The following CDH13 variants were observed in gnomAD, a reference collection of about 807,000 sequenced individuals.
The protein encoded by CDH13 is cadherin-13.
Under a neutral mutation model 63.8 loss-of-function variants are expected in CDH13, and 24 were observed. That is an observed-to-expected ratio of 0.38 (90% CI 0.27 to 0.53). The LOEUF (loss-of-function observed/expected upper bound fraction) is 0.53, where lower values mean the gene tolerates loss of function less well. CDH13 is among the 20% of genes least tolerant of loss of function. The pLI, the probability that CDH13 is intolerant of heterozygous loss-of-function variation, is 0.85. For missense variants in CDH13, 1,049 were observed against 903.1 expected, an observed-to-expected ratio of 1.16 and a Z score of -2.07; for synonymous variants, 503 against 355.3, an observed-to-expected ratio of 1.42 and a Z score of -4.67.
rs142544353 is a variant in CDH13 at position 83,399,503 on chromosome 16, C to T, written c.781+54497C>T. On this transcript the variant is annotated intron_variant, in intron 6 of 13. Coordinates refer to ENST00000567109, the MANE Select transcript of CDH13 (RefSeq NM_001257.5). ...AAATGTGACCACTATGTCTCTCTCC[C>T]ATCCCACATGGTCTTCTTCAGTGTG... Among the ~76,000 whole-genome samples the T allele has an allele frequency of 1.7e-3, 253 of 152,282 alleles. 1 individual carries two copies. The highest frequency in any genetic ancestry group is 3.2e-3 in the Non-Finnish European group (215 of 68,012).
intron 4 of CDH13, among the ~76,000 whole-genome samples, chr16:83,173,338 T>C (rs2037999990): frequency 6.6e-6 from 1 of 152,126 alleles, no homozygotes; most frequent in African/African-American, 2.4e-5. Flanking sequence ...TAAAGAGAAT[T>C]GGAATATTTG....
chr16:83,456,310 G>C (rs1781641254), intron 6 of CDH13, among the ~76,000 whole-genome samples: 1 of 152,230 alleles, frequency 6.6e-6, no homozygotes, highest in Non-Finnish European at 1.5e-5. Context: ...ACGACCTAGA[G>C]ACAGGAAAGG....
At chr16:83,285,872 C>A (rs1459884291) in intron 5 of CDH13, among the ~76,000 whole-genome samples, 1 of 152,156 alleles carries the variant, frequency 6.6e-6, no homozygotes. Context: ...ATAAACTCTA[C>A]TCATTGTGGC....
At chr16:83,043,451 A>C (rs1326557059) in intron 3 of CDH13, among the ~76,000 whole-genome samples, 1 of 152,026 alleles carries the variant, frequency 6.6e-6, no homozygotes, top group African/African-American at 2.4e-5. Flanking sequence ...GAAACCAGTG[A>C]AATTAACTTT....
At chr16:83,778,665 T>C (rs247397) in intron 11 of CDH13, among the ~76,000 whole-genome samples, 123,108 of 152,164 alleles carry the variant, frequency 0.81, 49,860 homozygotes, top group Admixed American at 0.84. Flanking sequence ...AAAAATAAGG[T>C]CCAAAGATTA....
At chr16:83,184,593 A>G (rs927671160) in intron 4 of CDH13, among the ~76,000 whole-genome samples, 6 of 152,140 alleles carry the variant, frequency 3.9e-5, no homozygotes, top group Non-Finnish European at 7.3e-5. Flanking sequence ...CTCCTCTACT[A>G]AAAATACAAA....
chr16:82,743,677 A>G (rs949922239), intron 1 of CDH13, among the ~76,000 whole-genome samples: 8 of 152,246 alleles, frequency 5.3e-5, no homozygotes, highest in African/African-American at 1.9e-4. Flanking sequence ...TTCCTTGGTC[A>G]GCATAAAGCG....
chr16:83,051,711 C>G (rs768831276), intron 3 of CDH13, among the ~76,000 whole-genome samples: 1 of 152,208 alleles, frequency 6.6e-6, no homozygotes, highest in Non-Finnish European at 1.5e-5. Flanking sequence ...TGGACCACAG[C>G]AGCCAGATCT....
chr16:83,018,066 T>A (rs111362592), intron 2 of CDH13, among the ~76,000 whole-genome samples: 56 of 152,322 alleles, frequency 3.7e-4, no homozygotes, highest in African/African-American at 1.3e-3. Flanking sequence ...AAAAGAAATA[T>A]GATGGGCCAG....
chr16:83,403,035 A>G (rs879800696), intron 6 of CDH13, among the ~76,000 whole-genome samples: 5 of 152,166 alleles, frequency 3.3e-5, no homozygotes, highest in Non-Finnish European at 5.9e-5. Context: ...TGTGATATTT[A>G]ACACCCTCAG....
intron 1 of CDH13, among the ~76,000 whole-genome samples, chr16:82,770,040 C>G (rs931489716): frequency 1.3e-5 from 2 of 152,224 alleles, no homozygotes; most frequent in Admixed American, 1.3e-4. Context: ...CTGTCCCCAG[C>G]TAATTTTGCC....
At chr16:83,129,111 C>T (rs550515756) in intron 4 of CDH13, among the ~76,000 whole-genome samples, 3 of 152,068 alleles carry the variant, frequency 2.0e-5, no homozygotes, top group African/African-American at 7.2e-5. Context: ...CCACAGCTGA[C>T]GAGCTGTGCT....
At chr16:83,593,018 G>A (rs1345133288) in intron 7 of CDH13, among the ~76,000 whole-genome samples, 1 of 152,156 alleles carries the variant, frequency 6.6e-6, no homozygotes, top group East Asian at 1.9e-4. Flanking sequence ...GTGTTATGTG[G>A]CCAGAGTGGT....
intron 1 of CDH13, among the ~76,000 whole-genome samples, chr16:82,629,121 G>A (rs1296140578): frequency 1.3e-5 from 2 of 152,308 alleles, no homozygotes; most frequent in East Asian, 1.9e-4. Context: ...AAGCAAGACA[G>A]ACCACGTGAC....
At chr16:83,347,954 G>T (rs2090873459) in intron 6 of CDH13, among the ~76,000 whole-genome samples, 2 of 152,214 alleles carry the variant, frequency 1.3e-5, no homozygotes, top group Admixed American at 1.3e-4. Context: ...TACTTTGGGA[G>T]GCTGAGGTGT....
At chr16:82,771,757 A>G (rs1333075994) in intron 1 of CDH13, among the ~76,000 whole-genome samples, 1 of 152,216 alleles carries the variant, frequency 6.6e-6, no homozygotes, top group African/African-American at 2.4e-5. Context: ...TTGCTAGGAA[A>G]AACGTATAGG....
chr16:83,002,239 C>T (rs1286709806), intron 2 of CDH13, among the ~76,000 whole-genome samples: 1 of 152,150 alleles, frequency 6.6e-6, no homozygotes, highest in Non-Finnish European at 1.5e-5. Flanking sequence ...AGCCCTAAAT[C>T]CATTGACATG....
intron 8 of CDH13, among the ~76,000 whole-genome samples, chr16:83,614,013 A>T (rs925113521): frequency 3.3e-5 from 5 of 152,126 alleles, no homozygotes; most frequent in African/African-American, 1.2e-4. Flanking sequence ...ATTAATAGAT[A>T]CTTCTGAGTC....
intron 1 of CDH13, among the ~76,000 whole-genome samples, chr16:82,784,948 G>A (rs2035933628): frequency 6.6e-6 from 1 of 152,178 alleles, no homozygotes; most frequent in Non-Finnish European, 1.5e-5. Flanking sequence ...AGACAGAAGA[G>A]CTGCTCCGGG....
Sources: allele counts gnomAD v4.1 joint callset (sites outside exome capture counted in the v4.1 genomes callset), GRCh38; gene constraint gnomAD v4.1.1; transcripts MANE v1.5; gene names NCBI Gene and HGNC (gene_info 2026-07-23, HGNC 2026-07-21).